OSBPL10: variants seen among roughly 807,000 people sequenced by gnomAD.
The protein encoded by OSBPL10 is oxysterol-binding protein-related protein 10.
Under a neutral mutation model 81.7 loss-of-function variants are expected in OSBPL10, and 49 were observed. That is an observed-to-expected ratio of 0.60 (90% confidence interval 0.48 to 0.76). OSBPL10 has a LOEUF of 0.76. Ranked by LOEUF, OSBPL10 falls within the 30% of genes least tolerant of loss-of-function variation. OSBPL10 has a pLI of 0.00. For synonymous variants in OSBPL10, 419 were observed against 383.6 expected (o/e 1.09, Z -1.08); for missense variants, 923 against 987.8 (o/e 0.93, Z 0.88).
At chr3:32,040,895 C>T (rs148646926) in intron 2 of OSBPL10, among the ~76,000 whole-genome samples, 1 of 152,110 alleles carries the variant, frequency 6.6e-6, no homozygotes, top group Non-Finnish European at 1.5e-5. Flanking sequence ...ACTGAGATGA[C>T]CTTACATTGT....
chr3:31,686,166 A>G (rs1303717831), intron 7 of OSBPL10, among the ~76,000 whole-genome samples: 2 of 152,234 alleles, frequency 1.3e-5, no homozygotes, highest in South Asian at 2.1e-4. Context: ...GAAGCCAGCC[A>G]GATGTGACAC....
chr3:31,794,684 C>T, intron 4 of OSBPL10: 1 of 300,150 alleles, frequency 3.3e-6, no homozygotes, highest in Admixed American at 3.7e-5. Context: ...CAGAGCATTT[C>T]TATACAAAGA....
At chr3:31,947,092 C>A (rs575034419) in intron 1 of OSBPL10, among the ~76,000 whole-genome samples, 1 of 152,070 alleles carries the variant, frequency 6.6e-6, no homozygotes, top group Non-Finnish European at 1.5e-5. Context: ...TACTAGAGAA[C>A]GAGACACAGC....
chr3:31,783,976 T>C (rs1053774704), intron 4 of OSBPL10, among the ~76,000 whole-genome samples: 2 of 150,974 alleles, frequency 1.3e-5, no homozygotes, highest in Admixed American at 1.3e-4. Context: ...TTCTTCTCTA[T>C]AAACCAAATG....
At chr3:31,846,647 TAA>T (rs1325200690) in intron 3 of OSBPL10, among the ~76,000 whole-genome samples, 11 of 151,596 alleles carry the variant, frequency 7.3e-5, no homozygotes, top group Non-Finnish European at 1.5e-4. Flanking sequence ...AATAAATAAA[TAA>T]ATAAATAAAT....
chr3:31,959,177 A>G (rs1698088465), intron 1 of OSBPL10, among the ~76,000 whole-genome samples: 1 of 152,204 alleles, frequency 6.6e-6, no homozygotes, highest in African/African-American at 2.4e-5. Flanking sequence ...AAATGCTACG[A>G]GATATCGGCT....
At chr3:31,758,772 C>T (rs947147559) in intron 4 of OSBPL10, among the ~76,000 whole-genome samples, 1 of 152,214 alleles carries the variant, frequency 6.6e-6, no homozygotes, top group African/African-American at 2.4e-5. Context: ...TGCATGTGTA[C>T]ATATTTCTTT....
chr3:31,812,731 A>T (rs1559476117), intron 4 of OSBPL10, among the ~76,000 whole-genome samples: 1 of 18,156 alleles, frequency 5.5e-5, no homozygotes, highest in Non-Finnish European at 9.1e-5. Flanking sequence ...AGAAAGAAAG[A>T]AAGAAAGAAA....
intron 4 of OSBPL10, among the ~76,000 whole-genome samples, chr3:31,778,285 C>T (rs1698599522): frequency 6.6e-6 from 1 of 152,152 alleles, no homozygotes; most frequent in Admixed American, 6.6e-5. Flanking sequence ...GCCATAATCC[C>T]CTCTGGAACA....
intron 7 of OSBPL10, among the ~76,000 whole-genome samples, chr3:31,691,832 GCCT>G (rs1695563457): frequency 6.6e-6 from 1 of 151,980 alleles, no homozygotes; most frequent in Non-Finnish European, 1.5e-5. Context: ...AAGCAGAGAG[GCCT>G]CCACCACCGC....
rs75635655 is a variant in OSBPL10 at position 31,785,817 on chromosome 3, C to T, written c.730-37697G>A. Among the ~76,000 whole-genome samples, 294 of 152,210 alleles carry T rather than the reference C, an allele frequency of 1.9e-3. 1 individual carries two copies. Among genetic ancestry groups the T allele is most frequent in the African/African-American group, 6.9e-3 (286 of 41,542 alleles). On this transcript the variant is annotated intron_variant, in intron 4 of 11. Coordinates refer to ENST00000396556, the MANE Select transcript of OSBPL10 (RefSeq NM_017784.5). ...ATCCCAAACTAAAGTCCTAGCCTTC[C>T]CTTAATAATTTTCTGAAATTCAGAG...
chr3:31,857,822 G>GAA (rs1700961528), intron 3 of OSBPL10, among the ~76,000 whole-genome samples: 1 of 52,170 alleles, frequency 1.9e-5, no homozygotes, highest in African/African-American at 9.1e-5. Context: ...GAGAAAGGGA[G>GAA]AGGGAGAGGG....
Position 31,926,289 on chromosome 3 carries a change from G to GCCCCTCC in OSBPL10, c.282-46460_282-46459insGGAGGGG, listed in dbSNP as rs1553641095. On this transcript the variant is annotated intron_variant, in intron 1 of 11. Coordinates refer to ENST00000396556, the MANE Select transcript of OSBPL10 (RefSeq NM_017784.5). ...GTGGTTCTCAACCATGGGTGATTTT[G>GCCCCTCC]CCCCCCCAGAGGATAGCTGCAATGT... 7.6e-3 allele frequency among the ~76,000 whole-genome samples: 996 copies of GCCCCTCC among 130,198 alleles called. 51 individuals carry two copies. The highest frequency in any genetic ancestry group is 0.01 in the Non-Finnish European group (654 of 63,682). 85.4% of individuals were successfully genotyped at this position (130,198 alleles called of 152,430 possible). A position where few individuals can be genotyped will look rare whatever the true frequency, so the allele number is the denominator to read the frequency against.
intron 4 of OSBPL10, among the ~76,000 whole-genome samples, chr3:31,809,453 G>A (rs189903322): frequency 4.6e-5 from 7 of 152,282 alleles, no homozygotes; most frequent in Non-Finnish European, 8.8e-5. Context: ...GGATAACTAT[G>A]CCCCTATTCT....
At chr3:31,992,226 T>A (rs1282073575) in intron 2 of OSBPL10, among the ~76,000 whole-genome samples, 1 of 151,606 alleles carries the variant, frequency 6.6e-6, no homozygotes, top group Admixed American at 6.6e-5. Flanking sequence ...GAATAAATAA[T>A]CTAGAAATAG....
intron 2 of OSBPL10, among the ~76,000 whole-genome samples, chr3:32,008,577 AAG>A (rs909751488): frequency 5.9e-5 from 9 of 151,292 alleles, no homozygotes; most frequent in Non-Finnish European, 1.3e-4. Flanking sequence ...CAAAAAAAAA[AAG>A]ACAAAAAAAA....
At chr3:31,823,909 T>TGGCATGATCTTGGCTCAGTGCAGC (rs1159205044) in intron 4 of OSBPL10, among the ~76,000 whole-genome samples, 4 of 151,826 alleles carry the variant, frequency 2.6e-5, no homozygotes, top group Non-Finnish European at 4.4e-5. Context: ...TGCAGTGCAG[T>TGGCATGATCTTGGCTCAGTGCAGC]GGCATGATCT....
chr3:31,952,215 A>G (rs1697889291), intron 1 of OSBPL10, among the ~76,000 whole-genome samples: 4 of 151,666 alleles, frequency 2.6e-5, no homozygotes, highest in Non-Finnish European at 5.9e-5. Flanking sequence ...GCCATGCCTT[A>G]GTACACATTA....
chr3:32,002,612 C>T (rs1699161970), intron 2 of OSBPL10, among the ~76,000 whole-genome samples: 1 of 138,000 alleles, frequency 7.2e-6, no homozygotes, highest in Admixed American at 7.3e-5. Flanking sequence ...CTTCTTCTCT[C>T]TTGGTGACTT....
Sources: allele counts gnomAD v4.1 joint callset (sites outside exome capture counted in the v4.1 genomes callset), GRCh38; gene constraint gnomAD v4.1.1; transcripts MANE v1.5; gene names NCBI Gene and HGNC (gene_info 2026-07-23, HGNC 2026-07-21).